CCSER2: variants seen among roughly 807,000 people sequenced by gnomAD.
CCSER2 encodes the protein serine-rich coiled-coil domain-containing protein 2.
In CCSER2, 46 loss-of-function variants were observed where a neutral mutation model predicts 92.3. The ratio of observed to expected loss-of-function variants is 0.50; its 90% CI spans 0.39 to 0.64. The LOEUF is 0.64. CCSER2 is among the 30% of genes least tolerant of loss of function. The probability of loss-of-function intolerance (pLI) is 0.00; values close to 1 mark genes in which losing one functional copy is unlikely to be tolerated. For missense variants in CCSER2, 1,244 were observed against 1,238.9 expected (o/e 1.00, Z -0.06); for synonymous variants, 433 against 431.4 (o/e 1.00, Z -0.04).
At chr10:84,385,927 T>C (rs1196202908) in intron 3 of CCSER2, among the ~76,000 whole-genome samples, 1 of 150,606 alleles carries the variant, frequency 6.6e-6, no homozygotes, top group Non-Finnish European at 1.5e-5. Context: ...GCAAAGGATA[T>C]GAACAGACAT....
At chr10:84,391,663 A>T in intron 3 of CCSER2, 1 of 1,535,812 alleles carries the variant, frequency 6.5e-7, no homozygotes, top group Non-Finnish European at 9.0e-7. Context: ...GACCCAACAC[A>T]CCAAAGACAT....
chr10:84,349,327 A>T (rs1209105885), intron 1 of CCSER2, among the ~76,000 whole-genome samples: 1 of 152,162 alleles, frequency 6.6e-6, no homozygotes, highest in East Asian at 1.9e-4. Flanking sequence ...TTATCCTTTG[A>T]GTTTAACCCA....
chr10:84,399,735 CCT>C (rs2133306222), intron 3 of CCSER2, among the ~76,000 whole-genome samples: 1 of 151,414 alleles, frequency 6.6e-6, no homozygotes, highest in Non-Finnish European at 1.5e-5. Context: ...CTCTGTTGAG[CCT>C]CTTTTTCATT....
At chr10:84,476,160 T>G (rs1280815073) in intron 8 of CCSER2, among the ~76,000 whole-genome samples, 4 of 152,164 alleles carry the variant, frequency 2.6e-5, no homozygotes, top group Admixed American at 2.6e-4. Context: ...TTTCAGTGAC[T>G]GTCTCATTTG....
intron 3 of CCSER2, among the ~76,000 whole-genome samples, chr10:84,396,511 G>A (rs1285855245): frequency 1.3e-5 from 2 of 151,488 alleles, no homozygotes; most frequent in African/African-American, 4.9e-5. Flanking sequence ...ATACTTTTAG[G>A]TTCATTTGTT....
At chr10:84,489,610 C>T (rs1848026121) in intron 9 of CCSER2, among the ~76,000 whole-genome samples, 2 of 152,176 alleles carry the variant, frequency 1.3e-5, no homozygotes, top group South Asian at 2.1e-4. Flanking sequence ...TCCTCCATCC[C>T]TTTATTTTGA....
chr10:84,469,901 C>T (rs543117133), intron 7 of CCSER2, among the ~76,000 whole-genome samples: 8 of 152,052 alleles, frequency 5.3e-5, no homozygotes, highest in Admixed American at 2.0e-4. Context: ...CATGAAATGC[C>T]TCTGTGCCTT....
At chr10:84,419,164 T>C (rs549842392) in intron 4 of CCSER2, among the ~76,000 whole-genome samples, 1 of 152,278 alleles carries the variant, frequency 6.6e-6, no homozygotes, top group African/African-American at 2.4e-5. Flanking sequence ...GTGAGGGCTG[T>C]GATATTTGTT....
At chr10:84,389,528 G>A (rs1298850208) in intron 3 of CCSER2, 9 of 277,018 alleles carry the variant, frequency 3.2e-5, no homozygotes, top group African/African-American at 4.6e-5. Flanking sequence ...CCTGGGGGCC[G>A]ATCTTGGGGG....
At position 84,328,815 on chromosome 10, in the gene CCSER2, T is replaced by A. The variant is rs1015488096; in HGVS notation, c.-40+7T>A. On this transcript the variant is annotated splice_region_variant and intron_variant, in intron 1 of 9. Transcript: ENST00000372088. ...GCAGCGCGACCTCCGCACGGTGAGA[T>A]CCGGGCTCAGGGCCAGAGCCGGGGC... The A allele has an allele frequency of 7.3e-5, 11 of 150,262 alleles. No homozygotes were observed. The highest frequency in any genetic ancestry group is 2.7e-4 in the African/African-American group (11 of 40,610). 9.3% of individuals were successfully genotyped at this position (150,262 alleles called of 1,614,324 possible).
chr10:84,487,528 T>C (rs1240040062), intron 9 of CCSER2, among the ~76,000 whole-genome samples: 3 of 152,240 alleles, frequency 2.0e-5, no homozygotes, highest in African/African-American at 7.2e-5. Flanking sequence ...AGTTCTGTCA[T>C]GATTTGGCTC....
At chr10:84,457,080 CATT>C (rs1217962896) in intron 6 of CCSER2, among the ~76,000 whole-genome samples, 1 of 149,038 alleles carries the variant, frequency 6.7e-6, no homozygotes, top group African/African-American at 2.5e-5. Context: ...TTCACATTCT[CATT>C]ATTTTCTTAC....
chr10:84,460,344 TC>T (rs959604128), intron 6 of CCSER2, among the ~76,000 whole-genome samples: 1 of 150,526 alleles, frequency 6.6e-6, no homozygotes, highest in Non-Finnish European at 1.5e-5. Flanking sequence ...CCTCAGGTGA[TC>T]CCCCCCGTCT....
intron 3 of CCSER2, among the ~76,000 whole-genome samples, chr10:84,396,238 T>A (rs1200492047): frequency 6.6e-6 from 1 of 150,934 alleles, no homozygotes; most frequent in East Asian, 1.9e-4. Flanking sequence ...TTATAGTATA[T>A]ATTCATACAT....
chr10:84,443,646 A>G (rs1457933761), intron 6 of CCSER2, among the ~76,000 whole-genome samples: 1 of 152,236 alleles, frequency 6.6e-6, no homozygotes, highest in Non-Finnish European at 1.5e-5. Context: ...TACTGGTTAT[A>G]TACCCAAAGG....
intron 1 of CCSER2, among the ~76,000 whole-genome samples, chr10:84,347,956 C>G (rs943590904): frequency 1.3e-5 from 2 of 151,588 alleles, no homozygotes; most frequent in Non-Finnish European, 2.9e-5. Flanking sequence ...AGAGGCACTC[C>G]TCACTTCCCA....
intron 6 of CCSER2, among the ~76,000 whole-genome samples, chr10:84,450,322 C>G (rs1048385081): frequency 6.6e-6 from 1 of 152,106 alleles, no homozygotes; most frequent in Admixed American, 6.5e-5. Flanking sequence ...ATAAAACTAT[C>G]AAAAGGACAT....
At chr10:84,426,128 C>A (rs1325138099) in intron 5 of CCSER2, among the ~76,000 whole-genome samples, 1 of 152,074 alleles carries the variant, frequency 6.6e-6, no homozygotes, top group Non-Finnish European at 1.5e-5. Context: ...TTTATATCTG[C>A]TTTTTGGACT....
chr10:84,511,738 T>C (rs1849356907), intron 9 of CCSER2, among the ~76,000 whole-genome samples: 1 of 152,208 alleles, frequency 6.6e-6, no homozygotes, highest in South Asian at 2.1e-4. Flanking sequence ...TTCACTAATC[T>C]TTCAAGGTTT....
Sources: allele counts gnomAD v4.1 joint callset (sites outside exome capture counted in the v4.1 genomes callset), GRCh38; gene constraint gnomAD v4.1.1; transcripts MANE v1.5; gene names NCBI Gene and HGNC (gene_info 2026-07-23, HGNC 2026-07-21).